The following CFHR4 variants were observed in gnomAD, a reference collection of about 807,000 sequenced individuals.
CFHR4 encodes complement factor H-related protein 4.
Under a neutral mutation model 69.3 loss-of-function variants are expected in CFHR4, and 64 were observed. The observed-to-expected ratio is 0.92, with a 90% CI of 0.76 to 1.14. The LOEUF (loss-of-function observed/expected upper bound fraction) is 1.14, where lower values mean the gene tolerates loss of function less well. Among genes scored for constraint, CFHR4 ranks in the 50% most tolerant of loss-of-function variants. The probability of loss-of-function intolerance (pLI) is 0.00; values close to 1 mark genes in which losing one functional copy is unlikely to be tolerated. For synonymous variants in CFHR4, 244 were observed against 237.0 expected (o/e 1.03, Z -0.27); for missense variants, 636 against 684.9 (o/e 0.93, Z 0.80).
chr1:196,906,733 A>G (rs1657925534), intron 3 of CFHR4, 128 bp from the exon 4 acceptor site: 2 of 961,040 alleles, frequency 2.1e-6, no homozygotes, highest in Admixed American at 6.9e-5. Context: ...TTGTCGGACT[A>G]TTTTTAATAG....
intron 7 of CFHR4, among the ~76,000 whole-genome samples, chr1:196,913,419 A>T (rs184888854): frequency 5.3e-5 from 8 of 151,548 alleles, no homozygotes; most frequent in Admixed American, 5.3e-4. Flanking sequence ...CAATCAAAAA[A>T]TTATCTCTAC....
rs1004420378 is a variant in CFHR4 at position 196,915,081 on chromosome 1, G to T, written c.1483G>T (p.Gly495Cys). The change falls in exon 9 of 10, where the codon GGT becomes TGT. Residue 495 changes from glycine (G) to cysteine (C), a missense_variant. Around this residue, in one of 3 missense-constraint regions of CFHR4, gnomAD observed 22 missense variants for 72.8 expected, o/e 0.30. Coordinates refer to ENST00000608469, the MANE Select transcript of CFHR4 (RefSeq NM_001201550.3). Reference protein sequence around the residue: ...YQCQSYYELQGSNYVTCSNGE... With the variant: ...YQCQSYYELQCSNYVTCSNGE... ...ATGCCAGTCCTACTATGAACTTCAG[G>T]GTTCTAATTATGTAACATGTAGTAA... 1 of 1,613,082 alleles carries T rather than the reference G, an allele frequency of 6.2e-7. No individual in the cohort carries two copies. The highest frequency in any genetic ancestry group is 1.1e-5 in the South Asian group (1 of 91,032).
rs189402634 is a variant in CFHR4 at position 196,918,019 on chromosome 1, G to A, written c.1541-191G>A. 2.0e-3 allele frequency among the ~76,000 whole-genome samples: 298 copies of A among 151,758 alleles called. 8 individuals are homozygous for A. Among genetic ancestry groups the A allele is most frequent in the African/African-American group, 7.0e-3 (288 of 41,226 alleles). On this transcript the variant is annotated intron_variant, in intron 9 of 9. Coordinates refer to ENST00000608469, the MANE Select transcript of CFHR4 (RefSeq NM_001201550.3). ...CTCACCTGATGATCTCTGCTGTGAC[G>A]TTGGGGAAGTGCAACTGAACTTATT...
intron 2 of CFHR4, among the ~76,000 whole-genome samples, chr1:196,903,744 T>C (rs1341946536): frequency 2.0e-5 from 3 of 151,170 alleles, no homozygotes; most frequent in African/African-American, 7.3e-5. Flanking sequence ...TAAATACACA[T>C]TAAAGTAACA....
chr1:196,902,149 C>G (rs1657649964), intron 1 of CFHR4, among the ~76,000 whole-genome samples: 1 of 151,438 alleles, frequency 6.6e-6, no homozygotes, highest in African/African-American at 2.4e-5. Context: ...GCCTTCATCT[C>G]TCAACCAGGA....
rs575979269 is a variant in CFHR4 at position 196,890,782 on chromosome 1, T to A, written c.58+2574T>A. Among the ~76,000 whole-genome samples, 478 of 151,578 alleles carry A rather than the reference T, an allele frequency of 3.2e-3. 3 individuals carry two copies. Among genetic ancestry groups the A allele is most frequent in the Admixed American group, 7.7e-3 (117 of 15,168 alleles). The stretch of plus-strand genomic sequence containing the variant: ...AGCTGGTTTCTGTGTGTATTTCACG[T>A]GCCCCCATTAAGCTTTCGCATAACA... On this transcript the variant is annotated intron_variant, in intron 1 of 9. Coordinates refer to ENST00000608469, the MANE Select transcript of CFHR4 (RefSeq NM_001201550.3).
chr1:196,915,404 G>A (rs1404628460), intron 9 of CFHR4, among the ~76,000 whole-genome samples: 3 of 151,390 alleles, frequency 2.0e-5, no homozygotes, highest in African/African-American at 7.3e-5. Flanking sequence ...TTGGAAGGCC[G>A]AGGCAGGCAG....
At position 196,915,100 on chromosome 1, in the gene CFHR4, G is replaced by A. The variant is rs1478906870; in HGVS notation, c.1502G>A (p.Cys501Tyr). Reference sequence around the variant, plus strand: ...CTTCAGGGTTCTAATTATGTAACATGTAGTAATGGAGAGTGGTCGGAACCA... The same window carrying A: ...CTTCAGGGTTCTAATTATGTAACATATAGTAATGGAGAGTGGTCGGAACCA... Reference protein sequence around the residue: ...YELQGSNYVTCSNGEWSEPPR... With the variant: ...YELQGSNYVTYSNGEWSEPPR... The change falls in exon 9 of 10, where the codon TGT becomes TAT. Residue 501 changes from cysteine to tyrosine, a missense_variant. Coordinates refer to ENST00000608469, the MANE Select transcript of CFHR4 (RefSeq NM_001201550.3). 5.6e-6 allele frequency: 9 copies of A among 1,613,062 alleles called. No individual in the cohort carries two copies. The highest frequency in any genetic ancestry group is 7.6e-6 in the Non-Finnish European group (9 of 1,179,852).
intron 5 of CFHR4, among the ~76,000 whole-genome samples, chr1:196,908,839 C>A (rs1658070834): frequency 6.6e-6 from 1 of 151,460 alleles, no homozygotes; most frequent in Admixed American, 6.6e-5. Flanking sequence ...ACAAGCAGTT[C>A]TTTTCTGTGA....
Position 196,914,644 on chromosome 1 carries a change from G to T in CFHR4, c.1330G>T (p.Gly444Trp), listed in dbSNP as rs746884066. 6.9e-6 allele frequency: 11 copies of T among 1,604,422 alleles called. No homozygotes were observed. Among genetic ancestry groups the T allele is most frequent in the South Asian group, 2.3e-5 (2 of 88,360 alleles). ...AGGTTCCATAGTGTGTGGTGAAGAT[G>T]GGTGGTCCCATTTCCCAACATGTTA... ...TTGSIVCGEDGWSHFPTCYNS... is the reference protein window; with the variant it reads ...TTGSIVCGEDWWSHFPTCYNS... The change falls in exon 8 of 10, where the codon GGG becomes TGG. Residue 444 changes from glycine to tryptophan, a missense_variant. Physicochemically the swap from Gly to Trp is radical, Grantham distance 184. Transcript: ENST00000608469.
At chr1:196,900,404 T>C (rs1410388403) in intron 1 of CFHR4, among the ~76,000 whole-genome samples, 1 of 149,808 alleles carries the variant, frequency 6.7e-6, no homozygotes, top group Non-Finnish European at 1.5e-5. Context: ...AGAAAAGTCA[T>C]GAAGTGGCTC....
chr1:196,899,374 A>C lies in CFHR4; in HGVS notation c.59-3044A>C, dbSNP rs553269594. Among the ~76,000 whole-genome samples, 60 of 151,648 alleles carry C rather than the reference A, an allele frequency of 4.0e-4. 2 individuals are homozygous for C. Among genetic ancestry groups the C allele is most frequent in the Admixed American group, 2.6e-3 (39 of 15,222 alleles). ...CAGCAGCGCAGTATACGTCGCTGCA[A>C]TCTTGACCTCCTTGGCTCAAATGAT... is the stretch of plus-strand genomic sequence containing the variant. On this transcript the variant is annotated intron_variant, in intron 1 of 9. Coordinates refer to ENST00000608469, the MANE Select transcript of CFHR4 (RefSeq NM_001201550.3).
At chr1:196,889,769 TGAA>T (rs138194261) in intron 1 of CFHR4, among the ~76,000 whole-genome samples, 21,886 of 151,298 alleles carry the variant, frequency 0.14, 1,982 homozygotes, top group Middle Eastern at 0.3. Context: ...TGACTGCATT[TGAA>T]GAAGGAGAGC....
At chr1:196,893,102 A>G (rs1380107182) in intron 1 of CFHR4, among the ~76,000 whole-genome samples, 7 of 151,722 alleles carry the variant, frequency 4.6e-5, no homozygotes, top group Non-Finnish European at 1.0e-4. Context: ...ATCTGTAATA[A>G]TATATTGTAC....
At position 196,910,433 on chromosome 1, in the gene CFHR4, A is replaced by G. The variant is rs1477204149; in HGVS notation, c.952A>G (p.Ile318Val). Reference protein sequence around the residue: ...VTPSGSYWDYIHCTQDGWLPT... With the variant: ...VTPSGSYWDYVHCTQDGWLPT... ...TCCTTCAGGAAGTTACTGGGATTACATTCACTGCACACAAGATGGGTGGTT... is the reference window on the plus strand; with the variant it reads ...TCCTTCAGGAAGTTACTGGGATTACGTTCACTGCACACAAGATGGGTGGTT... The change falls in exon 6 of 10, where the codon ATT becomes GTT. Residue 318 changes from isoleucine (I) to valine (V), a missense_variant. Coordinates refer to ENST00000608469, the MANE Select transcript of CFHR4 (RefSeq NM_001201550.3). The G allele has an allele frequency of 6.2e-7, 1 of 1,612,872 alleles. No homozygotes were observed. Among genetic ancestry groups the G allele is most frequent in the Admixed American group, 1.7e-5 (1 of 59,896 alleles).
rs192023097 is a variant in CFHR4, at chr1:196,896,696, C to A, written c.59-5722C>A. Among the ~76,000 whole-genome samples the A allele has an allele frequency of 5.9e-5, 9 of 151,484 alleles. No homozygotes were observed. In the East Asian group the frequency reaches 9.7e-4, roughly 16 times the overall value. On this transcript the variant is annotated intron_variant, in intron 1 of 9. Transcript: ENST00000608469. ...ATTGACTGAATGTGAGTGCAACTTA[C>A]GATCCAAGTCATCCCTAGAAGTTGT...
intron 1 of CFHR4, among the ~76,000 whole-genome samples, chr1:196,896,127 T>C (rs1461139880): frequency 1.3e-5 from 2 of 149,862 alleles, no homozygotes; most frequent in Non-Finnish European, 3.0e-5. Flanking sequence ...ATATTCTTTT[T>C]GTGGAAAACT....
intron 4 of CFHR4, 116 bp from the exon 5 acceptor site, chr1:196,907,200 C>A (rs1657959659): frequency 8.2e-7 from 1 of 1,214,912 alleles, no homozygotes; most frequent in Non-Finnish European, 1.2e-6. Context: ...GTTGAAAATA[C>A]AAATGTCTTC....
intron 7 of CFHR4, among the ~76,000 whole-genome samples, chr1:196,913,528 A>G (rs1457427435): frequency 2.6e-5 from 4 of 151,568 alleles, no homozygotes; most frequent in East Asian, 3.9e-4. Context: ...CTTTACATGT[A>G]AAGTTCTCTG....
Sources: allele counts gnomAD v4.1 joint callset (sites outside exome capture counted in the v4.1 genomes callset), GRCh38; gene constraint gnomAD v4.1.1; regional missense constraint gnomAD v4.1.1; transcripts MANE v1.5; gene names NCBI Gene and HGNC (gene_info 2026-07-23, HGNC 2026-07-21).